Variants in SPAG16 observed in about 807,000 individuals in gnomAD.
SPAG16 encodes the protein sperm-associated antigen 16 protein.
A neutral mutation model predicts 80.4 loss-of-function variants in SPAG16; 86 were observed. The ratio of observed to expected loss-of-function variants is 1.07; its 90% CI spans 0.90 to 1.28. The LOEUF (loss-of-function observed/expected upper bound fraction) is 1.28, where lower values mean the gene tolerates loss of function less well. SPAG16 is among the 50% of genes most tolerant of loss of function. The pLI is 0.00. For missense variants in SPAG16, 870 were observed against 765.3 expected, an observed-to-expected ratio of 1.14 and a Z score of -1.61; for synonymous variants, 294 against 265.9, an observed-to-expected ratio of 1.11 and a Z score of -1.03.
At chr2:214,388,727 G>A (rs889131461) in intron 15 of SPAG16, among the ~76,000 whole-genome samples, 2 of 152,186 alleles carry the variant, frequency 1.3e-5, no homozygotes, top group Non-Finnish European at 2.9e-5. Flanking sequence ...AAAAGCATGT[G>A]CATGTGAAAG....
At chr2:213,864,650 G>A (rs549427961) in intron 11 of SPAG16, among the ~76,000 whole-genome samples, 10 of 151,398 alleles carry the variant, frequency 6.6e-5, no homozygotes, top group Non-Finnish European at 1.2e-4. Flanking sequence ...TTTAATTTCA[G>A]TTGCTTCTAG....
In SPAG16 at chr2:213,808,031, C is replaced by T. The variant is rs1186949718; in HGVS notation, c.1071-54454C>T. 2.0e-5 allele frequency among the ~76,000 whole-genome samples: 3 copies of T among 151,978 alleles called. No homozygotes were observed. In the East Asian group the frequency reaches 5.8e-4, roughly 29 times the overall value. ...CTCACTTTAAATTAGAATCAAGAAACACGGAAAGAATGAGACACTGGACAA... is the reference window on the plus strand; with the variant it reads ...CTCACTTTAAATTAGAATCAAGAAATACGGAAAGAATGAGACACTGGACAA... On this transcript the variant is annotated intron_variant, in intron 10 of 15. Transcript: ENST00000331683.
At chr2:214,259,943 C>T (rs1691016628) in intron 15 of SPAG16, among the ~76,000 whole-genome samples, 1 of 152,042 alleles carries the variant, frequency 6.6e-6, no homozygotes, top group Non-Finnish European at 1.5e-5. Context: ...TCTCAAATCC[C>T]TTTGTTAAAG....
At chr2:213,685,209 A>G (rs899520232) in intron 10 of SPAG16, among the ~76,000 whole-genome samples, 2 of 152,264 alleles carry the variant, frequency 1.3e-5, no homozygotes, top group Non-Finnish European at 2.9e-5. Context: ...GTACCTCAGA[A>G]TGTGACTTTA....
At chr2:213,695,175 A>G (rs1395604680) in intron 10 of SPAG16, among the ~76,000 whole-genome samples, 1 of 151,852 alleles carries the variant, frequency 6.6e-6, no homozygotes, top group Non-Finnish European at 1.5e-5. Context: ...TCTTTTTCTT[A>G]CTCTTCACAG....
intron 15 of SPAG16, among the ~76,000 whole-genome samples, chr2:214,255,585 G>A (rs1302800425): frequency 3.3e-5 from 5 of 151,820 alleles, no homozygotes; most frequent in African/African-American, 9.7e-5. Flanking sequence ...CCATGAGGCA[G>A]TGCAACTCAA....
chr2:213,514,298 C>T (rs1461797812), intron 10 of SPAG16, among the ~76,000 whole-genome samples: 1 of 152,060 alleles, frequency 6.6e-6, no homozygotes, highest in Non-Finnish European at 1.5e-5. Flanking sequence ...ATGCAGTTGA[C>T]TTTACTTCCT....
chr2:213,359,781 C>T (rs1161626181), intron 7 of SPAG16, among the ~76,000 whole-genome samples: 1 of 152,130 alleles, frequency 6.6e-6, no homozygotes, highest in Non-Finnish European at 1.5e-5. Context: ...TGGGCTGCAC[C>T]CACTGTCCAA....
At chr2:213,364,504 A>T (rs1421174139) in intron 8 of SPAG16, 1 of 156,472 alleles carries the variant, frequency 6.4e-6, no homozygotes, top group Non-Finnish European at 1.4e-5. Context: ...AGGAAAATTT[A>T]TAAGGTGAGC....
chr2:213,346,258 C>T (rs1325217238), intron 6 of SPAG16, among the ~76,000 whole-genome samples: 1 of 152,068 alleles, frequency 6.6e-6, no homozygotes, highest in African/African-American at 2.4e-5. Flanking sequence ...CTGAAGTTGC[C>T]TATCAGCTTA....
rs570341228 is a variant in SPAG16 at position 213,915,154 on chromosome 2, A to C, written c.1215-14806A>C. 7.5e-3 allele frequency among the ~76,000 whole-genome samples: 1,137 copies of C among 151,256 alleles called. 17 individuals carry two copies. The highest frequency in any genetic ancestry group is 0.026 in the African/African-American group (1,079 of 41,210). On this transcript the variant is annotated intron_variant, in intron 11 of 15. Transcript: ENST00000331683. ...CTTTTTTTTTTTTAATTATACTTTAATTTCTGGGATACATGTGCAGAATGT... is the reference window on the plus strand; with the variant it reads ...CTTTTTTTTTTTTAATTATACTTTACTTTCTGGGATACATGTGCAGAATGT...
intron 15 of SPAG16, among the ~76,000 whole-genome samples, chr2:214,167,078 G>C (rs995787960): frequency 8.5e-5 from 13 of 152,120 alleles, no homozygotes; most frequent in Non-Finnish European, 1.6e-4. Context: ...ATACCTAATG[G>C]AAGTTAATAA....
intron 11 of SPAG16, among the ~76,000 whole-genome samples, chr2:213,870,605 T>C (rs2105983653): frequency 6.6e-6 from 1 of 152,254 alleles, no homozygotes; most frequent in African/African-American, 2.4e-5. Context: ...TTGAAAAGGA[T>C]GGTAATATAT....
rs1237920958 is a variant in SPAG16, at chr2:213,407,629, GAGAGAGAGAGAC to G, written c.942+32514_942+32525del. ...AGAGAGAGAGAGAGAGAGAGAGAGA[GAGAGAGAGAGAC>G]AGACAGACAGGAGAGAGAGAGGGGG... On this transcript the variant is annotated intron_variant, in intron 9 of 15. Coordinates refer to ENST00000331683, the MANE Select transcript of SPAG16 (RefSeq NM_024532.5). 4.4e-3 allele frequency among the ~76,000 whole-genome samples: 340 copies of G among 77,338 alleles called. 5 individuals carry two copies. Among genetic ancestry groups the G allele is most frequent in the Middle Eastern group, 0.019 (2 of 106 alleles). The allele number at this position is 77,338 out of a possible 152,430, so 50.7% of individuals were successfully genotyped here. A position where few individuals can be genotyped will look rare whatever the true frequency, so the allele number is the denominator to read the frequency against.
At chr2:213,998,765 A>C (rs1295573697) in intron 12 of SPAG16, among the ~76,000 whole-genome samples, 3 of 152,220 alleles carry the variant, frequency 2.0e-5, no homozygotes, top group Admixed American at 2.0e-4. Flanking sequence ...ACTAAGGTCC[A>C]GGCTGAGGTG....
At chr2:213,358,634 G>C (rs1453483997) in intron 7 of SPAG16, among the ~76,000 whole-genome samples, 1 of 152,106 alleles carries the variant, frequency 6.6e-6, no homozygotes, top group African/African-American at 2.4e-5. Flanking sequence ...TCTCTGTACT[G>C]TTTATTATAG....
At chr2:213,892,119 C>T (rs1017697611) in intron 11 of SPAG16, among the ~76,000 whole-genome samples, 6 of 152,004 alleles carry the variant, frequency 3.9e-5, no homozygotes, top group African/African-American at 1.2e-4. Context: ...CAGCACCACA[C>T]GAAAGGAGGT....
intron 15 of SPAG16, among the ~76,000 whole-genome samples, chr2:214,319,823 T>C (rs929885969): frequency 6.6e-6 from 1 of 152,222 alleles, no homozygotes; most frequent in Non-Finnish European, 1.5e-5. Flanking sequence ...TTAGTTGCTG[T>C]CAATATGTCT....
intron 7 of SPAG16, among the ~76,000 whole-genome samples, chr2:213,363,391 T>C (rs1176110102): frequency 6.6e-6 from 1 of 152,104 alleles, no homozygotes; most frequent in Non-Finnish European, 1.5e-5. Flanking sequence ...ATTATGTTAT[T>C]TTCTATTAAT....
Sources: gnomAD v4.1 joint callset for allele counts (sites outside exome capture counted in the v4.1 genomes callset) on GRCh38, gnomAD v4.1.1 for gene constraint, MANE v1.5 for transcripts, NCBI Gene and HGNC (gene_info 2026-07-23, HGNC 2026-07-21) for gene names.